The following GOLGA4 variants were observed in gnomAD, a reference collection of about 807,000 sequenced individuals.
GOLGA4 encodes the protein golgin subfamily A member 4.
Under a neutral mutation model 265.9 loss-of-function variants are expected in GOLGA4, and 169 were observed. That is an observed-to-expected ratio of 0.64 (90% CI 0.56 to 0.72). The LOEUF is 0.72. Ranked by LOEUF, GOLGA4 falls within the 30% of genes least tolerant of loss-of-function variation. The pLI, the probability that GOLGA4 is intolerant of heterozygous loss-of-function variation, is 0.00. For missense variants in GOLGA4, 2,482 were observed against 2,483.4 expected, an observed-to-expected ratio of 1.00 and a Z score of 0.01; for synonymous variants, 923 against 855.8, an observed-to-expected ratio of 1.08 and a Z score of -1.37.
chr3:37,292,581 T>G (rs13317902), intron 5 of GOLGA4, among the ~76,000 whole-genome samples: 9,750 of 151,872 alleles, frequency 0.064, 500 homozygotes, highest in African/African-American at 0.15. Flanking sequence ...AGCTACTCGG[T>G]AGGCTGAGGC....
intron 14 of GOLGA4, 110 bp downstream of exon 14, chr3:37,327,935 C>A: frequency 6.1e-6 from 5 of 817,596 alleles, no homozygotes; most frequent in South Asian, 4.3e-5. Context: ...TTTCACCAAC[C>A]CAAAATATTA....
intron 10 of GOLGA4, among the ~76,000 whole-genome samples, chr3:37,310,284 T>C (rs2096919521): frequency 6.6e-6 from 1 of 152,172 alleles, no homozygotes; most frequent in African/African-American, 2.4e-5. Context: ...GCATTTCTTA[T>C]TATAATTGAT....
intron 2 of GOLGA4, among the ~76,000 whole-genome samples, chr3:37,275,017 GCC>G (rs2096810606): frequency 6.6e-6 from 1 of 151,496 alleles, no homozygotes; most frequent in African/African-American, 2.4e-5. Context: ...TTCGAGACCA[GCC>G]TAACCAACAT....
rs773065301 is a variant in GOLGA4 at position 37,327,530 on chromosome 3, G to C, written c.5644G>C (p.Glu1882Gln). The stretch of plus-strand genomic sequence containing the variant: ...AATGGAAGAGTTGACCTCAAAATAT[G>C]AAAAATTACAGGCTTTACAACAGAT... Reference protein sequence around the residue: ...VEMEELTSKYEKLQALQQMDG... With the variant: ...VEMEELTSKYQKLQALQQMDG... Residue 1882 changes from glutamate (E) to glutamine (Q), a missense_variant, in exon 14 of 24, where the codon GAA becomes CAA. Glu to Gln is a conservative substitution (Grantham distance 29). Transcript: ENST00000361924. 3 of 1,613,568 alleles carry C rather than the reference G, an allele frequency of 1.9e-6. No homozygotes were observed. The South Asian group carries it at 3.3e-5, about 18-fold the overall frequency.
intron 2 of GOLGA4, among the ~76,000 whole-genome samples, chr3:37,280,653 A>C (rs1213709669): frequency 6.6e-6 from 1 of 152,124 alleles, no homozygotes; most frequent in Non-Finnish European, 1.5e-5. Flanking sequence ...TATATCTTGA[A>C]CTTCTTTCCA....
intron 11 of GOLGA4, among the ~76,000 whole-genome samples, chr3:37,317,454 G>A (rs1280101544): frequency 1.3e-5 from 2 of 152,218 alleles, no homozygotes. Flanking sequence ...ACAGGCGTGA[G>A]CCACTGTGCC....
chr3:37,337,600 G>A (rs956944979), intron 18 of GOLGA4, 66 bp from the exon 19 acceptor site: 5 of 1,063,494 alleles, frequency 4.7e-6, no homozygotes, highest in African/African-American at 1.6e-5. Context: ...TCCAAGCAGT[G>A]CAGAAATGTG....
chr3:37,325,821 A>G lies in GOLGA4; in HGVS notation c.3935A>G (p.Asp1312Gly). ...AATCAAATTAAGAGCATGAAGGCTGATATTGAAAGTCTTGTAACAGAAAAA... is the reference window on the plus strand; with the variant it reads ...AATCAAATTAAGAGCATGAAGGCTGGTATTGAAAGTCTTGTAACAGAAAAA... The part of the protein sequence containing the change: ...KENQIKSMKA[D>G]IESLVTEKEA... The change falls in exon 14 of 24, where the codon GAT becomes GGT. Residue 1312 changes from aspartate to glycine, a missense_variant. Transcript: ENST00000361924. The G allele has an allele frequency of 6.2e-7, 1 of 1,612,964 alleles. No individual in the cohort carries two copies. Among genetic ancestry groups the G allele is most frequent in the East Asian group, 2.2e-5 (1 of 44,828 alleles).
chr3:37,337,826 A>G, intron 19 of GOLGA4, 92 bp downstream of exon 19: 1 of 819,334 alleles, frequency 1.2e-6, no homozygotes, highest in South Asian at 1.5e-5. Flanking sequence ...TGGCTTTGAA[A>G]TTTTTCAGTC....
chr3:37,294,622 A>G (rs1208109697), intron 5 of GOLGA4, among the ~76,000 whole-genome samples: 1 of 152,106 alleles, frequency 6.6e-6, no homozygotes, highest in Admixed American at 6.6e-5. Flanking sequence ...CCTGACCTCA[A>G]GTGATCCACC....
chr3:37,266,463 G>T (rs550134152), intron 2 of GOLGA4, among the ~76,000 whole-genome samples: 1 of 152,268 alleles, frequency 6.6e-6, no homozygotes, highest in East Asian at 1.9e-4. Context: ...CTCCCAAAGT[G>T]CTGGGATTAC....
In GOLGA4 at chr3:37,326,487, T is replaced by A. The variant is rs2150969068; in HGVS notation, c.4601T>A (p.Ile1534Asn). 6.2e-7 allele frequency: 1 copy of A among 1,608,656 alleles called. No homozygotes were observed. The highest frequency in any genetic ancestry group is 1.1e-5 in the South Asian group (1 of 89,700). The stretch of plus-strand genomic sequence containing the variant: ...AGAATTATGGAATTAGAGGACCATA[T>A]TACCCAGAAAACTATTGAAATAGAG... ...TARIMELEDH[I>N]TQKTIEIESL... The change falls in exon 14 of 24, where the codon ATT (isoleucine) becomes AAT (asparagine). Residue 1534 changes from isoleucine (I) to asparagine (N), a missense_variant. Physicochemically the swap from Ile to Asn is moderately radical, Grantham distance 149 (BLOSUM62 -3). Around this residue, in one of 3 missense-constraint regions of GOLGA4, gnomAD observed 942 missense variants for 983.1 expected, o/e 0.96. Coordinates refer to ENST00000361924, the MANE Select transcript of GOLGA4 (RefSeq NM_002078.5).
intron 3 of GOLGA4, among the ~76,000 whole-genome samples, chr3:37,283,416 TTGTC>T (rs1392134198): frequency 1.3e-5 from 2 of 152,214 alleles, no homozygotes; most frequent in African/African-American, 4.8e-5. Flanking sequence ...TTATGAATCT[TTGTC>T]TGTTACTTCA....
chr3:37,243,526 C>A lies in GOLGA4; in HGVS notation c.-25C>A. On this transcript the variant is annotated 5_prime_UTR_variant, in exon 1 of 24. Transcript: ENST00000361924. ...TCTCGCCCTTCAGGTTTCGTTGACA[C>A]TCAGGACCGTACGTACGCTGCGCCA... 6.2e-7 allele frequency: 1 copy of A among 1,611,244 alleles called. No individual in the cohort carries two copies. Among genetic ancestry groups the A allele is most frequent in the South Asian group, 1.1e-5 (1 of 91,024 alleles).
Position 37,283,609 on chromosome 3 carries a change from C to G in GOLGA4, c.477+1337C>G, listed in dbSNP as rs534468675. 2.6e-5 allele frequency among the ~76,000 whole-genome samples: 4 copies of G among 152,224 alleles called. No homozygotes were observed. In the East Asian group the frequency reaches 7.7e-4, roughly 29 times the overall value. On this transcript the variant is annotated intron_variant, in intron 3 of 23. Transcript: ENST00000361924. Reference sequence around the variant, plus strand: ...ACATGGCTCATTGGAGCTTCAACTTCCTGGGCCCAAGCGATCCTTCAGCCT... The same window carrying G: ...ACATGGCTCATTGGAGCTTCAACTTGCTGGGCCCAAGCGATCCTTCAGCCT...
intron 2 of GOLGA4, chr3:37,266,707 G>A: frequency 3.1e-6 from 1 of 321,190 alleles, no homozygotes; most frequent in Non-Finnish European, 6.3e-6. Context: ...GGTGGTGGTG[G>A]TGATGGTGGT....
chr3:37,328,447 A>G lies in GOLGA4; in HGVS notation c.5971A>G (p.Asn1991Asp). The change falls in exon 15 of 24, where the codon AAT (asparagine) becomes GAT (aspartate). Residue 1991 changes from asparagine to aspartate, a missense_variant. Transcript: ENST00000361924. ...GCAGGAAGATCTTGAACTGAAGCACAATTCCACATTAAAACAGCTGATGAG... is the reference window on the plus strand; with the variant it reads ...GCAGGAAGATCTTGAACTGAAGCACGATTCCACATTAAAACAGCTGATGAG... ...QEQEDLELKHNSTLKQLMREF... is the reference protein window; with the variant it reads ...QEQEDLELKHDSTLKQLMREF... The G allele has an allele frequency of 6.2e-7, 1 of 1,613,266 alleles. No homozygotes were observed. The highest frequency in any genetic ancestry group is 8.5e-7 in the Non-Finnish European group (1 of 1,179,318).
intron 19 of GOLGA4, among the ~76,000 whole-genome samples, chr3:37,339,870 T>C (rs1191880723): frequency 1.3e-5 from 2 of 152,200 alleles, no homozygotes; most frequent in African/African-American, 4.8e-5. Flanking sequence ...TACAAAAGTT[T>C]CTAATTTTAG....
At chr3:37,356,059 G>T (rs1232265759) in intron 22 of GOLGA4, among the ~76,000 whole-genome samples, 1 of 152,088 alleles carries the variant, frequency 6.6e-6, no homozygotes, top group African/African-American at 2.4e-5. Context: ...AAGTCCCAAA[G>T]TATCTCATCG....
Sources: gnomAD v4.1 joint callset for allele counts (sites outside exome capture counted in the v4.1 genomes callset) on GRCh38, gnomAD v4.1.1 for gene constraint, gnomAD v4.1.1 regional missense constraint, MANE v1.5 for transcripts, NCBI Gene and HGNC (gene_info 2026-07-23, HGNC 2026-07-21) for gene names.